The following RBFOX1 variants were observed in gnomAD, a reference collection of about 807,000 sequenced individuals.
RBFOX1 encodes RNA binding protein fox-1 homolog 1.
RBFOX1 carries 8 observed loss-of-function variants against 57.7 expected under a neutral mutation model. That is an observed-to-expected ratio of 0.14 (90% CI 0.08 to 0.25). The LOEUF is 0.25. RBFOX1 is among the 10% of genes least tolerant of loss of function. The pLI, the probability that RBFOX1 is intolerant of heterozygous loss-of-function variation, is 1.00. For missense variants in RBFOX1, 611 were observed against 548.5 expected (o/e 1.11, Z -1.14); for synonymous variants, 326 against 222.4 (o/e 1.47, Z -4.15).
At chr16:5,895,876 C>T (rs777179692) in intron 4 of RBFOX1, among the ~76,000 whole-genome samples, 1 of 152,056 alleles carries the variant, frequency 6.6e-6, no homozygotes, top group Non-Finnish European at 1.5e-5. Flanking sequence ...AGGCCAATCA[C>T]AAAATATTAT....
At chr16:6,557,291 A>T (rs2097118754) in intron 2 of RBFOX1, among the ~76,000 whole-genome samples, 2 of 151,812 alleles carry the variant, frequency 1.3e-5, no homozygotes, top group African/African-American at 4.8e-5. Context: ...GATTTAAAAG[A>T]GGATATAAAG....
intron 2 of RBFOX1, among the ~76,000 whole-genome samples, chr16:5,500,702 T>C (rs548693925): frequency 4.1e-4 from 62 of 152,314 alleles, no homozygotes; most frequent in African/African-American, 1.3e-3. Context: ...GCTTCAGATA[T>C]GGTCCCGTTG....
intron 5 of RBFOX1, among the ~76,000 whole-genome samples, chr16:7,541,199 G>T (rs2082828422): frequency 1.3e-5 from 2 of 152,214 alleles, no homozygotes; most frequent in South Asian, 4.1e-4. Context: ...CAAGCACAAA[G>T]AACTCTTAGT....
intron 4 of RBFOX1, among the ~76,000 whole-genome samples, chr16:7,115,528 T>C (rs1485186897): frequency 6.6e-6 from 1 of 152,144 alleles, no homozygotes; most frequent in Non-Finnish European, 1.5e-5. Context: ...GTGTCAAGGC[T>C]CTCTTTGAGG....
At chr16:5,313,975 G>T (rs1204685760) in intron 1 of RBFOX1, among the ~76,000 whole-genome samples, 1 of 152,180 alleles carries the variant, frequency 6.6e-6, no homozygotes, top group Non-Finnish European at 1.5e-5. Flanking sequence ...GGGTAAGGTT[G>T]TAGCTTCCAT....
chr16:5,316,798 G>T (rs1162763267), intron 1 of RBFOX1, among the ~76,000 whole-genome samples: 1 of 152,168 alleles, frequency 6.6e-6, no homozygotes, highest in Non-Finnish European at 1.5e-5. Context: ...TAGGATAATT[G>T]GGCCGCCGCA....
intron 3 of RBFOX1, among the ~76,000 whole-genome samples, chr16:5,761,378 G>T (rs2053583427): frequency 6.6e-6 from 1 of 152,170 alleles, no homozygotes; most frequent in African/African-American, 2.4e-5. Flanking sequence ...TATTTCCCAA[G>T]GAATATGTTC....
intron 4 of RBFOX1, among the ~76,000 whole-genome samples, chr16:7,335,188 A>G (rs1340311699): frequency 4.6e-5 from 7 of 152,332 alleles, no homozygotes; most frequent in Middle Eastern, 3.4e-3. Flanking sequence ...CTCTGAGCCG[A>G]TGTTTCTGCT....
intron 1 of RBFOX1, chr16:5,270,563 G>A (rs1338880937): frequency 1.7e-5 from 10 of 590,154 alleles, no homozygotes; most frequent in Admixed American, 6.9e-5. Flanking sequence ...GAAGACTACC[G>A]ATGGTTACTT....
intron 2 of RBFOX1, among the ~76,000 whole-genome samples, chr16:6,568,433 G>C (rs565698042): frequency 6.6e-6 from 1 of 152,106 alleles, no homozygotes; most frequent in East Asian, 1.9e-4. Context: ...CAGAGAAAGC[G>C]GGGAGAGAAA....
intron 4 of RBFOX1, among the ~76,000 whole-genome samples, chr16:7,139,414 G>T (rs2073030829): frequency 6.6e-6 from 1 of 152,026 alleles, no homozygotes; most frequent in South Asian, 2.1e-4. Flanking sequence ...TTTCCTTCTT[G>T]AGTTCAGAGA....
intron 3 of RBFOX1, among the ~76,000 whole-genome samples, chr16:6,882,661 G>C (rs1043316306): frequency 5.9e-5 from 9 of 152,120 alleles, no homozygotes; most frequent in African/African-American, 1.9e-4. Context: ...TCTAGCACTT[G>C]GCAGGTACCC....
intron 11 of RBFOX1, among the ~76,000 whole-genome samples, chr16:7,644,675 G>C (rs889056933): frequency 6.6e-6 from 1 of 152,226 alleles, no homozygotes; most frequent in Non-Finnish European, 1.5e-5. Flanking sequence ...CTAGATGTTG[G>C]AGACACAGTA....
At chr16:5,682,459 G>T (rs2050371127) in intron 3 of RBFOX1, among the ~76,000 whole-genome samples, 1 of 152,192 alleles carries the variant, frequency 6.6e-6, no homozygotes, top group Admixed American at 6.5e-5. Flanking sequence ...CATACAATTT[G>T]ACAATCGGTC....
At chr16:6,525,685 T>C (rs1210393672) in intron 2 of RBFOX1, among the ~76,000 whole-genome samples, 3 of 152,096 alleles carry the variant, frequency 2.0e-5, no homozygotes, top group Admixed American at 2.0e-4. Flanking sequence ...CTTGTTGCTG[T>C]GTTCACTGGT....
intron 4 of RBFOX1, among the ~76,000 whole-genome samples, chr16:7,260,502 T>C (rs1414421853): frequency 6.6e-6 from 1 of 152,154 alleles, no homozygotes; most frequent in African/African-American, 2.4e-5. Context: ...GATGTACTCT[T>C]TCCCCGTTAA....
intron 3 of RBFOX1, among the ~76,000 whole-genome samples, chr16:5,754,707 G>A (rs1451804738): frequency 1.6e-4 from 10 of 64,100 alleles, no homozygotes; most frequent in African/African-American, 6.5e-4. Flanking sequence ...TTTTAGATAT[G>A]CATACACATA....
At chr16:6,520,011 C>T (rs1395254825) in intron 2 of RBFOX1, among the ~76,000 whole-genome samples, 2 of 152,136 alleles carry the variant, frequency 1.3e-5, no homozygotes, top group South Asian at 4.1e-4. Flanking sequence ...GGGAGAGACA[C>T]AAAAACATTG....
chr16:6,586,057 A>G (rs2097609934), intron 2 of RBFOX1, among the ~76,000 whole-genome samples: 4 of 152,232 alleles, frequency 2.6e-5, no homozygotes, highest in Admixed American at 2.0e-4. Context: ...TGTATTTAAT[A>G]GTGAAGTTAT....
Sources: gnomAD v4.1 joint callset for allele counts (sites outside exome capture counted in the v4.1 genomes callset) on GRCh38, gnomAD v4.1.1 for gene constraint, MANE v1.5 for transcripts, NCBI Gene and HGNC (gene_info 2026-07-23, HGNC 2026-07-21) for gene names.